SPATA13: variants seen among roughly 807,000 people sequenced by gnomAD.
The protein encoded by SPATA13 is spermatogenesis associated 13.
SPATA13 carries 50 observed loss-of-function variants against 104.0 expected under a neutral mutation model. The ratio of observed to expected loss-of-function variants is 0.48; its 90% CI spans 0.38 to 0.61. The LOEUF (loss-of-function observed/expected upper bound fraction) is 0.61. Among genes scored for constraint, SPATA13 ranks in the 20% least tolerant of loss-of-function variants. The pLI, the probability that SPATA13 is intolerant of heterozygous loss-of-function variation, is 0.00. For synonymous variants in SPATA13, 606 were observed against 667.5 expected, an observed-to-expected ratio of 0.91 and a Z score of 1.42; for missense variants, 1,524 against 1,690.6, an observed-to-expected ratio of 0.90 and a Z score of 1.73.
At chr13:24,176,262 A>G (rs1868430474) in intron 1 of SPATA13, among the ~76,000 whole-genome samples, 1 of 152,220 alleles carries the variant, frequency 6.6e-6, no homozygotes, top group Admixed American at 6.5e-5. Context: ...GACTATCTAC[A>G]TAAGTCATGT....
chr13:24,071,661 A>T (rs572854435), intron 3 of SPATA13, among the ~76,000 whole-genome samples: 3 of 152,206 alleles, frequency 2.0e-5, no homozygotes, highest in Admixed American at 1.3e-4. Context: ...CACACCCTGC[A>T]TTGAATCACA....
rs983164212 is a variant in SPATA13 at position 24,305,745 on chromosome 13, A to G, written c.*2972A>G. 2.0e-5 allele frequency: 3 copies of G among 152,254 alleles called. No homozygotes were observed. Among genetic ancestry groups the G allele is most frequent in the African/African-American group, 7.2e-5 (3 of 41,468 alleles). 9.4% of individuals were successfully genotyped at this position (152,254 alleles called of 1,614,324 possible). On this transcript the variant is annotated 3_prime_UTR_variant, in exon 13 of 13. Coordinates refer to ENST00000382108, the MANE Select transcript of SPATA13 (RefSeq NM_001166271.3). The stretch of plus-strand genomic sequence containing the variant: ...CATAACATTTTGATGAATTTCACCT[A>G]TTCCATTCTTCACGTTTCAGAATTG...
intron 3 of SPATA13, among the ~76,000 whole-genome samples, chr13:24,055,094 A>T (rs1264002609): frequency 6.6e-6 from 1 of 152,262 alleles, no homozygotes; most frequent in Non-Finnish European, 1.5e-5. Context: ...TACAGCCTCC[A>T]GCAGCCTGAA....
At chr13:24,291,796 C>CCGGACTG in intron 9 of SPATA13, among the ~76,000 whole-genome samples, 1 of 137,678 alleles carries the variant, frequency 7.3e-6, no homozygotes, top group South Asian at 2.2e-4. Flanking sequence ...GTCGCCCAGG[C>CCGGACTG]CGGACTGCGG....
chr13:24,116,850 ACT>A (rs988117922), intron 3 of SPATA13, among the ~76,000 whole-genome samples: 1 of 148,902 alleles, frequency 6.7e-6, no homozygotes, highest in African/African-American at 2.5e-5. Flanking sequence ...TGAGGGTGGG[ACT>A]CTCATAATGG....
intron 4 of SPATA13, among the ~76,000 whole-genome samples, chr13:24,276,141 A>G (rs1181595526): frequency 1.3e-5 from 2 of 152,228 alleles, no homozygotes; most frequent in South Asian, 4.1e-4. Flanking sequence ...AGTTGTAAGC[A>G]GGGTCTCAAA....
At chr13:24,149,393 C>T (rs1201606680) in intron 3 of SPATA13, among the ~76,000 whole-genome samples, 1 of 152,166 alleles carries the variant, frequency 6.6e-6, no homozygotes, top group Non-Finnish European at 1.5e-5. Context: ...TCACTGTGGG[C>T]TGTGGTCGGA....
chr13:24,003,220 G>A (rs1044238892), intron 2 of SPATA13, among the ~76,000 whole-genome samples: 15 of 152,172 alleles, frequency 9.9e-5, no homozygotes, highest in African/African-American at 3.4e-4. Context: ...TAGATAGAAA[G>A]GGGAGTGCCT....
At chr13:23,992,710 G>A (rs188892332) in intron 2 of SPATA13, among the ~76,000 whole-genome samples, 226 of 152,304 alleles carry the variant, frequency 1.5e-3, no homozygotes, top group Non-Finnish European at 1.5e-3. Context: ...GGGCCCTGCA[G>A]GAGAGGGATC....
intron 1 of SPATA13, among the ~76,000 whole-genome samples, chr13:24,191,805 C>G (rs1432766954): frequency 6.6e-6 from 1 of 151,978 alleles, no homozygotes; most frequent in Non-Finnish European, 1.5e-5. Context: ...CCACTGCGAC[C>G]AGCTACATTG....
intron 2 of SPATA13, among the ~76,000 whole-genome samples, chr13:24,230,553 T>C (rs1281859143): frequency 3.3e-5 from 5 of 152,228 alleles, no homozygotes; most frequent in Non-Finnish European, 7.3e-5. Context: ...TCAGCTCTGC[T>C]GCTTACCAGT....
At chr13:24,007,082 G>A (rs1409621334) in intron 2 of SPATA13, among the ~76,000 whole-genome samples, 1 of 152,192 alleles carries the variant, frequency 6.6e-6, no homozygotes, top group African/African-American at 2.4e-5. Context: ...CCTCAGCTGA[G>A]TGTGACCTTC....
At chr13:24,227,829 C>T (rs1157463543) in intron 2 of SPATA13, among the ~76,000 whole-genome samples, 1 of 152,150 alleles carries the variant, frequency 6.6e-6, no homozygotes, top group African/African-American at 2.4e-5. Context: ...CTCAGCCTTC[C>T]AAAGTGCTAG....
rs1256862423 is a variant in SPATA13, at chr13:24,222,870, G to C, written c.-60G>C. The C allele has an allele frequency of 5.2e-6, 8 of 1,543,766 alleles. No homozygotes were observed. The highest frequency in any genetic ancestry group is 7.0e-6 in the Non-Finnish European group (8 of 1,142,094). ...GCAAGGCAGGTGTGAGTGCCAGGACGGCATTCCTGGAGATGAAGGCCTGGA... is the reference window on the plus strand; with the variant it reads ...GCAAGGCAGGTGTGAGTGCCAGGACCGCATTCCTGGAGATGAAGGCCTGGA... On this transcript the variant is annotated 5_prime_UTR_variant, in exon 2 of 13. Coordinates refer to ENST00000382108, the MANE Select transcript of SPATA13 (RefSeq NM_001166271.3).
intron 4 of SPATA13, among the ~76,000 whole-genome samples, chr13:24,264,712 G>T (rs983730582): frequency 9.0e-4 from 137 of 152,300 alleles, no homozygotes; most frequent in African/African-American, 3.2e-3. Context: ...TGGTCCTAAG[G>T]ATCTGAAAAT....
At chr13:24,224,617 C>A (rs1270832408) in intron 2 of SPATA13, 35 bp downstream of exon 2, 1 of 1,535,518 alleles carries the variant, frequency 6.5e-7, no homozygotes, top group Non-Finnish European at 8.7e-7. Flanking sequence ...ATGTGGGCGA[C>A]CCTCCTGCGG....
At chr13:24,168,666 C>G (rs746681310) in intron 1 of SPATA13, among the ~76,000 whole-genome samples, 8 of 152,170 alleles carry the variant, frequency 5.3e-5, no homozygotes, top group Non-Finnish European at 1.0e-4. Flanking sequence ...TTTAGAAATA[C>G]AGGCCTTCAA....
At chr13:24,075,511 G>A (rs1447623064) in intron 3 of SPATA13, among the ~76,000 whole-genome samples, 1 of 152,130 alleles carries the variant, frequency 6.6e-6, no homozygotes, top group Non-Finnish European at 1.5e-5. Context: ...TTGCTAAAAT[G>A]TCCTATTTTT....
intron 4 of SPATA13, among the ~76,000 whole-genome samples, chr13:24,259,991 G>A (rs536152213): frequency 2.0e-5 from 3 of 152,144 alleles, no homozygotes; most frequent in East Asian, 1.9e-4. Context: ...CCTTGATTTC[G>A]ATCCATTTAA....
Sources: allele counts gnomAD v4.1 joint callset (sites outside exome capture counted in the v4.1 genomes callset), GRCh38; gene constraint gnomAD v4.1.1; transcripts MANE v1.5; gene names NCBI Gene and HGNC (gene_info 2026-07-23, HGNC 2026-07-21).